Variants in CPEB3 observed in about 807,000 individuals in gnomAD.
CPEB3 encodes cytoplasmic polyadenylation element-binding protein 3.
Under a neutral mutation model 67.2 loss-of-function variants are expected in CPEB3, and 20 were observed. That is an observed-to-expected ratio of 0.30 (90% CI 0.21 to 0.43). The LOEUF (loss-of-function observed/expected upper bound fraction) is 0.43, where lower values mean the gene tolerates loss of function less well. Among genes scored for constraint, CPEB3 ranks in the 20% least tolerant of loss-of-function variants. The pLI is 1.00. For missense variants in CPEB3, 746 were observed against 968.6 expected (o/e 0.77, Z 3.05); for synonymous variants, 376 against 393.1 (o/e 0.96, Z 0.51).
At chr10:92,176,133 T>C (rs1848211909) in intron 4 of CPEB3, among the ~76,000 whole-genome samples, 1 of 152,218 alleles carries the variant, frequency 6.6e-6, no homozygotes, top group Non-Finnish European at 1.5e-5. Context: ...ACAGGTGTGC[T>C]GTCTTAAATT....
chr10:92,285,059 T>C (rs1384617092), intron 1 of CPEB3, among the ~76,000 whole-genome samples: 1 of 152,178 alleles, frequency 6.6e-6, no homozygotes, highest in African/African-American at 2.4e-5. Flanking sequence ...TGCACCATAA[T>C]ATGGCAGAAG....
chr10:92,102,067 C>A (rs751052720), intron 7 of CPEB3, among the ~76,000 whole-genome samples: 1 of 152,180 alleles, frequency 6.6e-6, no homozygotes, highest in Non-Finnish European at 1.5e-5. Flanking sequence ...CTCATTTCAA[C>A]GTAATTTTGA....
At chr10:92,186,223 T>A (rs377709578) in intron 3 of CPEB3, among the ~76,000 whole-genome samples, 336 of 79,404 alleles carry the variant, frequency 4.2e-3, no homozygotes, top group East Asian at 5.7e-3. Context: ...AAAAAAAAAA[T>A]ACAAAAAAAA....
intron 1 of CPEB3, among the ~76,000 whole-genome samples, chr10:92,274,566 C>T (rs1282701113): frequency 6.6e-6 from 1 of 152,160 alleles, no homozygotes; most frequent in Non-Finnish European, 1.5e-5. Flanking sequence ...TGGGGCCAGG[C>T]ATGGTGGCTC....
At chr10:92,280,238 C>A (rs1316645089) in intron 1 of CPEB3, among the ~76,000 whole-genome samples, 1 of 149,046 alleles carries the variant, frequency 6.7e-6, no homozygotes, top group Non-Finnish European at 1.5e-5. Context: ...CCCAGCTACT[C>A]AGGAGGTAAG....
At chr10:92,244,414 C>A (rs2134723505) in intron 1 of CPEB3, among the ~76,000 whole-genome samples, 1 of 151,436 alleles carries the variant, frequency 6.6e-6, no homozygotes, top group East Asian at 1.9e-4. Flanking sequence ...ACAATGACTT[C>A]TTTCTTTAAG....
chr10:92,073,840 C>T (rs913659775), intron 9 of CPEB3, among the ~76,000 whole-genome samples: 1 of 152,190 alleles, frequency 6.6e-6, no homozygotes, highest in Admixed American at 6.5e-5. Context: ...AGTTTCCAAA[C>T]CTCTCTTAGA....
At chr10:92,163,203 G>A (rs547617735) in intron 4 of CPEB3, among the ~76,000 whole-genome samples, 1 of 152,320 alleles carries the variant, frequency 6.6e-6, no homozygotes, top group Admixed American at 6.5e-5. Context: ...GGGAGGCCAA[G>A]GCGGGTGGAT....
intron 9 of CPEB3, among the ~76,000 whole-genome samples, chr10:92,052,803 C>A (rs891919514): frequency 6.6e-6 from 1 of 152,126 alleles, no homozygotes; most frequent in African/African-American, 2.4e-5. Flanking sequence ...GGGCTGTGCA[C>A]GTCAAAGCGC....
At chr10:92,210,924 T>C (rs1590397477) in intron 2 of CPEB3, among the ~76,000 whole-genome samples, 1 of 152,124 alleles carries the variant, frequency 6.6e-6, no homozygotes, top group East Asian at 1.9e-4. Context: ...GTAATCCCAC[T>C]ACTCAGGAGG....
intron 6 of CPEB3, among the ~76,000 whole-genome samples, chr10:92,125,972 C>A (rs1590195487): frequency 6.6e-6 from 1 of 152,096 alleles, no homozygotes; most frequent in African/African-American, 2.4e-5. Context: ...GTTCTACCTG[C>A]CTCGGCCTCC....
At chr10:92,225,314 T>G (rs1015613724) in intron 2 of CPEB3, among the ~76,000 whole-genome samples, 1 of 152,164 alleles carries the variant, frequency 6.6e-6, no homozygotes, top group African/African-American at 2.4e-5. Context: ...CTCTGCCCAC[T>G]CACCTCTAAA....
intron 1 of CPEB3, among the ~76,000 whole-genome samples, chr10:92,264,377 T>A (rs1378689847): frequency 1.3e-5 from 2 of 149,882 alleles, no homozygotes. Context: ...CAAGGTGACA[T>A]AACTAGTAGG....
At chr10:92,228,906 G>A (rs1003665302) in intron 2 of CPEB3, among the ~76,000 whole-genome samples, 1 of 151,492 alleles carries the variant, frequency 6.6e-6, no homozygotes, top group Non-Finnish European at 1.5e-5. Context: ...TAGAGACGGG[G>A]TTTCATCATG....
chr10:92,253,481 A>AAAAAAAAAAAAAAAAAAAG (rs1564910688), intron 1 of CPEB3, among the ~76,000 whole-genome samples: 3 of 144,822 alleles, frequency 2.1e-5, no homozygotes, highest in Non-Finnish European at 3.0e-5. Context: ...AAAAAAAAAA[A>AAAAAAAAAAAAAAAAAAAG]AAAGAAAAGA....
At position 92,051,601 on chromosome 10, in the gene CPEB3, A is replaced by T. The variant is rs1841895968; in HGVS notation, c.*611T>A. ...TCGGCAAAACAAAAATCAAACATGA[A>T]GGAAAAATAAAAGATCCAGCTTATG... On this transcript the variant is annotated 3_prime_UTR_variant, in exon 10 of 10. Transcript: ENST00000265997. The T allele has an allele frequency of 6.6e-6, 1 of 152,622 alleles. No homozygotes were observed. The highest frequency in any genetic ancestry group is 2.4e-5 in the African/African-American group (1 of 41,456). 9.5% of individuals were successfully genotyped at this position (152,622 alleles called of 1,614,324 possible). A position where few individuals can be genotyped will look rare whatever the true frequency, so the allele number is the denominator to read the frequency against.
chr10:92,242,731 G>A (rs1851902962), intron 1 of CPEB3, among the ~76,000 whole-genome samples: 1 of 152,004 alleles, frequency 6.6e-6, no homozygotes, highest in Admixed American at 6.6e-5. Context: ...AAAGTAAGCT[G>A]GACTCAGAAC....
At chr10:92,250,858 A>AGTTT (rs1454105127) in intron 1 of CPEB3, among the ~76,000 whole-genome samples, 5 of 104,114 alleles carry the variant, frequency 4.8e-5, no homozygotes, top group Non-Finnish European at 5.7e-5. Flanking sequence ...CACACAGTTA[A>AGTTT]TTTTTTTTTT....
chr10:92,289,732 A>AAAAAAAAAAATATATAT, intron 1 of CPEB3, among the ~76,000 whole-genome samples: 5 of 75,770 alleles, frequency 6.6e-5, no homozygotes, highest in Non-Finnish European at 1.0e-4. Flanking sequence ...AAAAAAAAAA[A>AAAAAAAAAAATATATAT]ATATATATAT....
Sources: allele counts gnomAD v4.1 joint callset (sites outside exome capture counted in the v4.1 genomes callset), GRCh38; gene constraint gnomAD v4.1.1; transcripts MANE v1.5; gene names NCBI Gene and HGNC (gene_info 2026-07-23, HGNC 2026-07-21).